PIGU: variants seen among roughly 807,000 people sequenced by gnomAD.
PIGU encodes the protein phosphatidylinositol glycan anchor biosynthesis class U.
In PIGU, 24 loss-of-function variants were observed where a neutral mutation model predicts 49.9. That is an observed-to-expected ratio of 0.48 (90% CI 0.35 to 0.68). PIGU has a LOEUF of 0.68. Among genes scored for constraint, PIGU ranks in the 30% least tolerant of loss-of-function variants. The pLI, the probability that PIGU is intolerant of heterozygous loss-of-function variation, is 0.01. For synonymous variants in PIGU, 220 were observed against 205.7 expected (o/e 1.07, Z -0.59); for missense variants, 490 against 532.6 (o/e 0.92, Z 0.79).
At chr20:34,576,174 A>G (rs8123984) in intron 10 of PIGU, among the ~76,000 whole-genome samples, 2,320 of 152,250 alleles carry the variant, frequency 0.015, 63 homozygotes, top group African/African-American at 0.053. Flanking sequence ...CAGGAGTTCA[A>G]GACCAGCCTG....
chr20:34,635,636 G>A (rs1181391296), intron 5 of PIGU, among the ~76,000 whole-genome samples: 2 of 152,218 alleles, frequency 1.3e-5, no homozygotes, highest in East Asian at 3.8e-4. Context: ...AGCACTTTGG[G>A]AGGCCGACAC....
At chr20:34,631,429 C>G (rs542333410) in intron 6 of PIGU, among the ~76,000 whole-genome samples, 40 of 152,014 alleles carry the variant, frequency 2.6e-4, no homozygotes, top group African/African-American at 9.2e-4. Context: ...ACTAAAGACA[C>G]TAGTTTCCAT....
At chr20:34,606,254 CAAAAAAAAA>C (rs35050660) in intron 7 of PIGU, among the ~76,000 whole-genome samples, 2 of 83,890 alleles carry the variant, frequency 2.4e-5, no homozygotes, top group Non-Finnish European at 4.9e-5. Flanking sequence ...GACTCCGTCT[CAAAAAAAAA>C]AAAAAAAAAA....
chr20:34,637,446 G>C (rs184236826), intron 5 of PIGU, among the ~76,000 whole-genome samples: 32 of 152,284 alleles, frequency 2.1e-4, no homozygotes, highest in Non-Finnish European at 3.7e-4. Context: ...CAGCTGGAAT[G>C]CATCTGTTTG....
chr20:34,662,673 T>C (rs1228666190), intron 1 of PIGU, among the ~76,000 whole-genome samples: 1 of 152,186 alleles, frequency 6.6e-6, no homozygotes, highest in Non-Finnish European at 1.5e-5. Context: ...CATTTTTAAA[T>C]AGGTTTGTTT....
intron 6 of PIGU, among the ~76,000 whole-genome samples, chr20:34,633,233 G>A (rs1985847518): frequency 6.6e-6 from 1 of 152,162 alleles, no homozygotes; most frequent in Non-Finnish European, 1.5e-5. Flanking sequence ...GGAGGCCAAG[G>A]AGGGTGGATC....
chr20:34,671,447 G>A (rs1424232874), intron 1 of PIGU, among the ~76,000 whole-genome samples: 1 of 151,750 alleles, frequency 6.6e-6, no homozygotes, highest in African/African-American at 2.4e-5. Flanking sequence ...TTTTTTAGTA[G>A]AGACAGGGTT....
intron 9 of PIGU, 83 bp from the exon 10 acceptor site, chr20:34,581,755 C>A (rs866999001): frequency 6.6e-7 from 1 of 1,506,712 alleles, no homozygotes; most frequent in South Asian, 1.2e-5. Flanking sequence ...ATCCTTTGAA[C>A]CAAAAATAAT....
intron 2 of PIGU, among the ~76,000 whole-genome samples, chr20:34,652,512 T>A (rs558096066): frequency 2.0e-5 from 3 of 152,168 alleles, no homozygotes; most frequent in Non-Finnish European, 4.4e-5. Context: ...TTACTTTGAG[T>A]ATAATTTTAT....
chr20:34,673,037 G>A (rs1298558162), intron 1 of PIGU, among the ~76,000 whole-genome samples: 4 of 151,792 alleles, frequency 2.6e-5, no homozygotes, highest in South Asian at 2.1e-4. Context: ...GGTGGATCAC[G>A]AGGTCAGGAG....
chr20:34,624,736 T>C (rs1985389687), intron 6 of PIGU, among the ~76,000 whole-genome samples: 2 of 152,184 alleles, frequency 1.3e-5, no homozygotes, highest in African/African-American at 2.4e-5. Context: ...AAAGCGAAAC[T>C]TAAGCTGCTC....
chr20:34,576,012 G>T (rs1317405055), intron 10 of PIGU, among the ~76,000 whole-genome samples: 2 of 152,128 alleles, frequency 1.3e-5, no homozygotes, highest in Non-Finnish European at 2.9e-5. Flanking sequence ...GCATTTATTA[G>T]CAAGTTTCTC....
chr20:34,625,958 A>T (rs955405522), intron 6 of PIGU, among the ~76,000 whole-genome samples: 7 of 51,544 alleles, frequency 1.4e-4, no homozygotes, highest in African/African-American at 5.4e-4. Flanking sequence ...CATATATATA[A>T]TATATATATA....
intron 4 of PIGU, among the ~76,000 whole-genome samples, chr20:34,642,819 G>A (rs755909406): frequency 1.4e-5 from 2 of 144,554 alleles, no homozygotes; most frequent in African/African-American, 2.6e-5. Context: ...GTACAGTGGC[G>A]CGATCTTGGC....
intron 1 of PIGU, among the ~76,000 whole-genome samples, chr20:34,674,116 C>A (rs1017702229): frequency 6.7e-6 from 1 of 150,168 alleles, no homozygotes; most frequent in African/African-American, 2.5e-5. Flanking sequence ...AGCACTTTCA[C>A]AGGTCAAGGC....
At chr20:34,637,635 G>C (rs1382564375) in intron 5 of PIGU, among the ~76,000 whole-genome samples, 6 of 152,190 alleles carry the variant, frequency 3.9e-5, no homozygotes, top group African/African-American at 1.4e-4. Flanking sequence ...GAGTCAAAAA[G>C]CATTTGTGAA....
intron 6 of PIGU, 59 bp from the exon 7 acceptor site, chr20:34,616,198 G>T: frequency 6.4e-7 from 1 of 1,566,068 alleles, no homozygotes. Flanking sequence ...ATTAGACTCA[G>T]CAAGTCCCTC....
chr20:34,579,684 C>T (rs1324630557), intron 10 of PIGU, among the ~76,000 whole-genome samples: 1 of 152,200 alleles, frequency 6.6e-6, no homozygotes, highest in South Asian at 2.1e-4. Flanking sequence ...CTTCAGACAA[C>T]CTGAACCTGC....
intron 4 of PIGU, among the ~76,000 whole-genome samples, chr20:34,638,912 T>C (rs1225870515): frequency 1.3e-5 from 2 of 152,178 alleles, no homozygotes; most frequent in African/African-American, 2.4e-5. Flanking sequence ...GCCCTGTTGA[T>C]TTAATGATCA....
Sources: gnomAD v4.1 joint callset for allele counts (sites outside exome capture counted in the v4.1 genomes callset) on GRCh38, gnomAD v4.1.1 for gene constraint, MANE v1.5 for transcripts, NCBI Gene and HGNC (gene_info 2026-07-23, HGNC 2026-07-21) for gene names.